The following ANKRD52 variants were observed in gnomAD, a reference collection of about 807,000 sequenced individuals.
ANKRD52 encodes the protein serine/threonine-protein phosphatase 6 regulatory ankyrin repeat subunit C.
Under a neutral mutation model 116.0 loss-of-function variants are expected in ANKRD52, and 7 were observed. The observed-to-expected ratio is 0.06, with a 90% CI of 0.03 to 0.11. ANKRD52 has a LOEUF of 0.11. ANKRD52 is among the 10% of genes least tolerant of loss of function. The pLI is 1.00. For synonymous variants in ANKRD52, 528 were observed against 578.1 expected (o/e 0.91, Z 1.24); for missense variants, 839 against 1,408.6 (o/e 0.60, Z 6.47).
At position 56,254,518 on chromosome 12, in the gene ANKRD52, C is replaced by A; in HGVS notation, c.693+60G>T. On this transcript the variant is annotated intron_variant, in intron 7 of 27. Coordinates refer to ENST00000267116, the MANE Select transcript of ANKRD52 (RefSeq NM_173595.4). The surrounding 1 kb of genome is among the most constrained non-coding windows in gnomAD (Gnocchi z 4.6). Reference sequence around the variant, plus strand: ...ATCCCAATACCTCATATCTCCGTAACAGACTATAATCTCCTACTTGCTGCC... The same window carrying A: ...ATCCCAATACCTCATATCTCCGTAAAAGACTATAATCTCCTACTTGCTGCC... 1 of 1,590,858 alleles carries A rather than the reference C, an allele frequency of 6.3e-7. No individual in the cohort carries two copies.
At chr12:56,249,301 T>C (rs1871572920) in intron 15 of ANKRD52, among the ~76,000 whole-genome samples, 1 of 152,220 alleles carries the variant, frequency 6.6e-6, no homozygotes, top group South Asian at 2.1e-4. Flanking sequence ...CAGCCTTCCC[T>C]GGGGAAGATG....
At chr12:56,246,032 A>G (rs1161667756) in intron 20 of ANKRD52, among the ~76,000 whole-genome samples, 1 of 145,636 alleles carries the variant, frequency 6.9e-6, no homozygotes, top group Non-Finnish European at 1.5e-5. Context: ...TTACAACAAT[A>G]ATTCTTTCTT....
chr12:56,244,349 G>A lies in ANKRD52; in HGVS notation c.2805+4C>T, dbSNP rs760503290. On this transcript the variant is annotated splice_donor_region_variant and intron_variant, in intron 25 of 27. Coordinates refer to ENST00000267116, the MANE Select transcript of ANKRD52 (RefSeq NM_173595.4). The surrounding 1 kb of genome is among the most constrained non-coding windows in gnomAD (Gnocchi z 4.9). ...GCAGTCCCCCAATCACTTCAGGTAA[G>A]TACCTTGCTACAAGCCAAGTGGAGG... The A allele has an allele frequency of 4.3e-6, 7 of 1,613,836 alleles. No homozygotes were observed. The highest frequency in any genetic ancestry group is 1.6e-4 in the Middle Eastern group (1 of 6,062).
intron 2 of ANKRD52, 50 bp from the exon 3 acceptor site, chr12:56,257,411 A>C: frequency 6.8e-7 from 1 of 1,470,958 alleles, no homozygotes; most frequent in Non-Finnish European, 9.3e-7. Flanking sequence ...TAAGGGGGCT[A>C]TCAAGGACCC....
Position 56,241,356 on chromosome 12 carries a change from C to A in ANKRD52, c.*1786G>T, listed in dbSNP as rs1331974792. 2 of 151,874 alleles carry A rather than the reference C, an allele frequency of 1.3e-5. No homozygotes were observed. Among genetic ancestry groups the A allele is most frequent in the Non-Finnish European group, 2.9e-5 (2 of 67,968 alleles). 9.4% of individuals were successfully genotyped at this position (151,874 alleles called of 1,614,324 possible). On this transcript the variant is annotated 3_prime_UTR_variant, in exon 28 of 28. Transcript: ENST00000267116. ...GGACAACACCCCAGGCTTCTGGAAA[C>A]CAGCATGAGGTATGGTTAAAGGTAT... is the stretch of plus-strand genomic sequence containing the variant.
At chr12:56,251,854 C>T (rs540665722) in intron 15 of ANKRD52, among the ~76,000 whole-genome samples, 161 bp downstream of exon 15, 1 of 151,872 alleles carries the variant, frequency 6.6e-6, no homozygotes, top group East Asian at 1.9e-4. Flanking sequence ...TTTGTCTTTG[C>T]CCACTATGGA....
At position 56,243,660 on chromosome 12, in the gene ANKRD52, C is replaced by T; in HGVS notation, c.2980+125G>A. 9.1e-7 allele frequency: 1 copy of T among 1,097,538 alleles called. No homozygotes were observed. Among genetic ancestry groups the T allele is most frequent in the Non-Finnish European group, 1.3e-6 (1 of 764,566 alleles). The allele number at this position is 1,097,538 out of a possible 1,614,324, so 68.0% of individuals were successfully genotyped here. ...TGAGACTCCAGAGTACTGGTGTGGGCTCCCTGCTCTGAAGAGTTCCCTTGG... is the reference window on the plus strand; with the variant it reads ...TGAGACTCCAGAGTACTGGTGTGGGTTCCCTGCTCTGAAGAGTTCCCTTGG... On this transcript the variant is annotated intron_variant, in intron 27 of 27. Coordinates refer to ENST00000267116, the MANE Select transcript of ANKRD52 (RefSeq NM_173595.4). This position sits in a 1 kb window ranked among gnomAD's most constrained non-coding sequence, Gnocchi z 4.6.
rs565850695 is a variant in ANKRD52, at chr12:56,254,716, G to A, written c.555C>T (p.His185=). ...CCACCAGCAGTTTTAGGACCTCCAA[G>A]TGCCCTGAGAAAAGAGAAGACACTC... is the stretch of plus-strand genomic sequence containing the variant. ...QPLHWAAFLG[H]LEVLKLLVAR... is the part of the protein sequence containing the mutation. Residue 185 remains histidine, a synonymous_variant, in exon 7 of 28, where the codon CAC becomes CAT. Transcript: ENST00000267116. The surrounding 1 kb of genome is among the most constrained non-coding windows in gnomAD (Gnocchi z 4.6). 2 of 1,610,334 alleles carry A rather than the reference G, an allele frequency of 1.2e-6. No individual in the cohort carries two copies. Among genetic ancestry groups the A allele is most frequent in the Non-Finnish European group, 8.5e-7 (1 of 1,177,148 alleles).
chr12:56,252,270 T>C lies in ANKRD52; in HGVS notation c.1416A>G (p.Ala472=). 1.2e-6 allele frequency: 2 copies of C among 1,613,984 alleles called. No individual in the cohort carries two copies. The highest frequency in any genetic ancestry group is 1.7e-6 in the Non-Finnish European group (2 of 1,179,886). Residue 472 remains alanine, a synonymous_variant, in exon 14 of 28, where the codon GCA becomes GCG. Coordinates refer to ENST00000267116, the MANE Select transcript of ANKRD52 (RefSeq NM_173595.4). This position sits in a 1 kb window ranked among gnomAD's most constrained non-coding sequence, Gnocchi z 4.7. ...YAAANGSYQC[A]VTLVTAGAGV... is the part of the protein sequence containing the mutation. ...CTGCCCCAGCAGTCACCAATGTTAC[T>C]GCACACTGGTAGCTACCGTTAGCAG...
Position 56,248,008 on chromosome 12 carries a change from A to G in ANKRD52, c.1978+15T>C, listed in dbSNP as rs765513916. 1.3e-6 allele frequency: 2 copies of G among 1,582,228 alleles called. No individual in the cohort carries two copies. The highest frequency in any genetic ancestry group is 4.6e-5 in the East Asian group (2 of 43,752). ...CATGGCAAGGGTAGGGCAGCAGCCT[A>G]AAGTGGGCACTAACCAGCAGCGTGC... On this transcript the variant is annotated intron_variant, in intron 18 of 27. Transcript: ENST00000267116. The surrounding 1 kb of genome is among the most constrained non-coding windows in gnomAD (Gnocchi z 5.1).
In ANKRD52 at chr12:56,253,202, G is replaced by T; in HGVS notation, c.1100+86C>A. The T allele has an allele frequency of 6.7e-7, 1 of 1,491,420 alleles. No homozygotes were observed. The highest frequency in any genetic ancestry group is 9.2e-7 in the Non-Finnish European group (1 of 1,088,140). The allele number at this position is 1,491,420 out of a possible 1,614,324, so 92.4% of individuals were successfully genotyped here. A position where few individuals can be genotyped will look rare whatever the true frequency, so the allele number is the denominator to read the frequency against. The stretch of plus-strand genomic sequence containing the variant: ...AGGAGGTTCTCCAAGGTGCCCTTTG[G>T]CAAGCTTATCTGTGCCTCCATGGTT... On this transcript the variant is annotated intron_variant, in intron 10 of 27. Transcript: ENST00000267116. The surrounding 1 kb of genome is among the most constrained non-coding windows in gnomAD (Gnocchi z 5.5).
intron 18 of ANKRD52, 27 bp downstream of exon 18, chr12:56,247,996 G>A (rs771380746): frequency 1.3e-6 from 2 of 1,564,806 alleles, no homozygotes; most frequent in Non-Finnish European, 1.7e-6. Context: ...GGCAAGGGTA[G>A]GGCAGCAGCC....
At chr12:56,246,849 G>A (rs1348268662) in intron 20 of ANKRD52, among the ~76,000 whole-genome samples, 1 of 151,290 alleles carries the variant, frequency 6.6e-6, no homozygotes, top group African/African-American at 2.4e-5. Context: ...GAACCCAGGA[G>A]GCGGAGGTTG....
chr12:56,253,497 A>T lies in ANKRD52; in HGVS notation c.986-95T>A. ...TGATTTGAGTGCCTACTATGTATGC[A>T]TCAGGTGCCAGGCCCAGGATTCTAC... is the stretch of plus-strand genomic sequence containing the variant. On this transcript the variant is annotated intron_variant, in intron 9 of 27. Coordinates refer to ENST00000267116, the MANE Select transcript of ANKRD52 (RefSeq NM_173595.4). The surrounding 1 kb of genome is among the most constrained non-coding windows in gnomAD (Gnocchi z 5.5). The T allele has an allele frequency of 9.7e-7, 1 of 1,033,414 alleles. No individual in the cohort carries two copies. Among genetic ancestry groups the T allele is most frequent in the Non-Finnish European group, 1.5e-6 (1 of 672,954 alleles). 64.0% of individuals were successfully genotyped at this position (1,033,414 alleles called of 1,614,324 possible). A position where few individuals can be genotyped will look rare whatever the true frequency, so the allele number is the denominator to read the frequency against.
chr12:56,241,739 G>A lies in ANKRD52; in HGVS notation c.*1403C>T. 2.8e-6 allele frequency: 1 copy of A among 362,194 alleles called. No homozygotes were observed. The highest frequency in any genetic ancestry group is 7.0e-4 in the Middle Eastern group (1 of 1,432). 22.4% of individuals were successfully genotyped at this position (362,194 alleles called of 1,614,324 possible). The stretch of plus-strand genomic sequence containing the variant: ...AGGAGTGGGTCCAACTGTCCAGGAG[G>A]CTGCACTAGGAGATGGGTGGACAGA... On this transcript the variant is annotated 3_prime_UTR_variant, in exon 28 of 28. Transcript: ENST00000267116.
At chr12:56,256,070 T>A in intron 4 of ANKRD52, 86 bp from the exon 5 acceptor site, 1 of 1,313,888 alleles carries the variant, frequency 7.6e-7, no homozygotes, top group South Asian at 1.4e-5. Flanking sequence ...CAGCATAGCA[T>A]CTACAGCCCC....
chr12:56,244,701 G>A lies in ANKRD52; in HGVS notation c.2673C>T (p.Gly891=). ...CAGCCGCCGTCATGAGCGCAGTGCG[G>A]CCAGTGTGGTCAGTGGCGTTCACCT... is the stretch of plus-strand genomic sequence containing the variant. The part of the protein sequence containing the change: ...QAEVNATDHT[G]RTALMTAAEN... The change falls in exon 24 of 28, where the codon GGC becomes GGT. Residue 891 remains glycine, a synonymous_variant. Transcript: ENST00000267116. This position sits in a 1 kb window ranked among gnomAD's most constrained non-coding sequence, Gnocchi z 4.9. 2 of 1,613,960 alleles carry A rather than the reference G, an allele frequency of 1.2e-6. No individual in the cohort carries two copies. Among genetic ancestry groups the A allele is most frequent in the Non-Finnish European group, 1.7e-6 (2 of 1,179,898 alleles).
rs1592382922 is a variant in ANKRD52, at chr12:56,237,849, C to T, written c.*5293G>A. 1 of 1,232,638 alleles carries T rather than the reference C, an allele frequency of 8.1e-7. No homozygotes were observed. The highest frequency in any genetic ancestry group is 1.1e-6 in the Non-Finnish European group (1 of 919,276). 76.4% of individuals were successfully genotyped at this position (1,232,638 alleles called of 1,614,324 possible). ...TAATAAACAGAACCCATCCCAAAGC[C>T]ATGACTACGACAGTTGTACTTGCAC... On this transcript the variant is annotated 3_prime_UTR_variant, in exon 28 of 28. Coordinates refer to ENST00000267116, the MANE Select transcript of ANKRD52 (RefSeq NM_173595.4).
Position 56,254,700 on chromosome 12 carries a change from G to A in ANKRD52, c.571C>T (p.Leu191=). ...AFLGHLEVLK[L]LVARGADLGC... ...AGGTCTGCTCCCCGTGCCACCAGCAGTTTTAGGACCTCCAAGTGCCCTGAG... is the reference window on the plus strand; with the variant it reads ...AGGTCTGCTCCCCGTGCCACCAGCAATTTTAGGACCTCCAAGTGCCCTGAG... The change falls in exon 7 of 28, where the codon CTG becomes TTG. Residue 191 remains leucine, a synonymous_variant. Coordinates refer to ENST00000267116, the MANE Select transcript of ANKRD52 (RefSeq NM_173595.4). This position sits in a 1 kb window ranked among gnomAD's most constrained non-coding sequence, Gnocchi z 4.6. 1 of 1,611,846 alleles carries A rather than the reference G, an allele frequency of 6.2e-7. No homozygotes were observed. The highest frequency in any genetic ancestry group is 1.1e-5 in the South Asian group (1 of 91,002).
Sources: gnomAD v4.1 joint callset for allele counts (sites outside exome capture counted in the v4.1 genomes callset) on GRCh38, gnomAD v4.1.1 for gene constraint, Gnocchi (gnomAD v3.1) non-coding constraint, MANE v1.5 for transcripts, NCBI Gene and HGNC (gene_info 2026-07-23, HGNC 2026-07-21) for gene names.